The following COQ8A variants were observed in gnomAD, a reference collection of about 807,000 sequenced individuals.
COQ8A encodes coenzyme Q8A.
A neutral mutation model predicts 65.0 loss-of-function variants in COQ8A; 51 were observed. The observed-to-expected ratio is 0.78, with a 90% CI of 0.63 to 0.99. The LOEUF (loss-of-function observed/expected upper bound fraction) is 0.99. Ranked by LOEUF, COQ8A falls within the 50% of genes least tolerant of loss-of-function variation. The pLI is 0.00. For missense variants in COQ8A, 940 were observed against 875.0 expected (o/e 1.07, Z -0.94); for synonymous variants, 371 against 353.2 (o/e 1.05, Z -0.57).
chr1:226,984,602 A>G lies in COQ8A; in HGVS notation c.1453A>G (p.Met485Val). Residue 485 changes from methionine (M) to valine (V), a missense_variant, in exon 12 of 15, where the codon ATG becomes GTG. By Grantham distance (21) the Met-to-Val change is conservative. Coordinates refer to ENST00000366777, the MANE Select transcript of COQ8A (RefSeq NM_020247.5). ...CLRELFEFHF[M>V]QTDPNWSNFF... ...GAGGGAGCTGTTCGAGTTCCACTTC[A>G]TGCAAACAGACCCCAACTGGTCCAA... The G allele has an allele frequency of 1.9e-6, 3 of 1,614,132 alleles. No individual in the cohort carries two copies. The highest frequency in any genetic ancestry group is 1.7e-6 in the Non-Finnish European group (2 of 1,180,008).
At chr1:226,968,170 T>TA (rs369737946) in intron 4 of COQ8A, among the ~76,000 whole-genome samples, 6 of 151,994 alleles carry the variant, frequency 3.9e-5, no homozygotes, top group South Asian at 2.1e-4. Context: ...CAATTCCTAC[T>TA]AAAAAAATAC....
At chr1:226,964,857 G>A in intron 2 of COQ8A, 143 bp from the exon 3 acceptor site, 1 of 922,164 alleles carries the variant, frequency 1.1e-6, no homozygotes, top group African/African-American at 1.6e-5. Context: ...AGGGTGCCGG[G>A]CCTCAGGTGC....
rs536150853 is a variant in COQ8A, at chr1:226,949,290, C to T, written c.-10+8891C>T. The stretch of plus-strand genomic sequence containing the variant: ...ATATATATGTCTACATACATGTCTA[C>T]AGGTAGAGGAGCCATTTGAGCAACG... On this transcript the variant is annotated intron_variant, in intron 1 of 14. Coordinates refer to ENST00000366777, the MANE Select transcript of COQ8A (RefSeq NM_020247.5). This position sits in a 1 kb window ranked among gnomAD's most constrained non-coding sequence, Gnocchi z 4.0. 1.2e-4 allele frequency among the ~76,000 whole-genome samples: 19 copies of T among 152,064 alleles called. No individual in the cohort carries two copies. The highest frequency in any genetic ancestry group is 4.3e-4 in the African/African-American group (18 of 41,480).
chr1:226,977,482 C>T lies in COQ8A; in HGVS notation c.689C>T (p.Ala230Val), dbSNP rs866071132. The change falls in exon 5 of 15, where the codon GCA becomes GTA. Residue 230 changes from alanine to valine, a missense_variant. Coordinates refer to ENST00000366777, the MANE Select transcript of COQ8A (RefSeq NM_020247.5). The part of the protein sequence containing the change: ...LAVGLGFGAL[A>V]EVAKKSLRSE... ...GTGGGCCTGGGCTTCGGGGCACTGG[C>T]AGAGGTCGCCAAGAAGAGCCTGCGC... The T allele has an allele frequency of 6.4e-7, 1 of 1,567,578 alleles. No individual in the cohort carries two copies. The highest frequency in any genetic ancestry group is 8.6e-7 in the Non-Finnish European group (1 of 1,156,376).
rs1057519343 is a variant in COQ8A, at chr1:226,984,892, T to C, written c.1523T>C (p.Phe508Ser). ...PQQHKVALLD[F>S]GATREYDRSF... ...TGTCCCCAGGTGGCTCTTTTGGATT[T>C]TGGGGCAACGCGGGAATATGACAGA... is the stretch of plus-strand genomic sequence containing the variant. The change falls in exon 13 of 15, where the codon TTT (phenylalanine) becomes TCT (serine). Residue 508 changes from phenylalanine to serine, a missense_variant. Transcript: ENST00000366777. 1.2e-6 allele frequency: 2 copies of C among 1,614,052 alleles called. No homozygotes were observed. The highest frequency in any genetic ancestry group is 1.7e-6 in the Non-Finnish European group (2 of 1,180,034).
chr1:226,983,482 G>A lies in COQ8A; in HGVS notation c.1081-70G>A, dbSNP rs1464360845. ...CAGCTGGGAAGCCAGTTGGGGGTTG[G>A]GGGAGTGCCCCAGGCAGGGCCCACC... On this transcript the variant is annotated intron_variant, in intron 8 of 14. Coordinates refer to ENST00000366777, the MANE Select transcript of COQ8A (RefSeq NM_020247.5). The A allele has an allele frequency of 9.8e-6, 14 of 1,434,066 alleles. No homozygotes were observed. The Admixed American group carries it at 1.9e-4, about 19-fold the overall frequency. 88.8% of individuals were successfully genotyped at this position (1,434,066 alleles called of 1,614,324 possible).
At chr1:226,985,909 G>A (rs553650652) in intron 14 of COQ8A, among the ~76,000 whole-genome samples, 2 of 152,264 alleles carry the variant, frequency 1.3e-5, no homozygotes, top group Admixed American at 1.3e-4. Context: ...TCAGCGGGCA[G>A]CAGCTCTCTC....
chr1:226,974,489 C>T (rs745686265), intron 4 of COQ8A, among the ~76,000 whole-genome samples: 28 of 152,192 alleles, frequency 1.8e-4, no homozygotes, highest in Admixed American at 5.9e-4. Flanking sequence ...GTGGGGGTGC[C>T]GAGTGGGGTC....
At chr1:226,951,491 T>C (rs531721785) in intron 1 of COQ8A, among the ~76,000 whole-genome samples, 1 of 152,274 alleles carries the variant, frequency 6.6e-6, no homozygotes, top group Non-Finnish European at 1.5e-5. Flanking sequence ...GTGGCTTGCC[T>C]TTCTCTGGCT....
At chr1:226,977,301 G>C in intron 4 of COQ8A, 148 bp from the exon 5 acceptor site, 1 of 687,018 alleles carries the variant, frequency 1.5e-6, no homozygotes, top group Non-Finnish European at 2.5e-6. Context: ...CTCCCACCTT[G>C]TTCCCCACTT....
intron 5 of COQ8A, among the ~76,000 whole-genome samples, chr1:226,980,697 C>G (rs1346675056): frequency 6.6e-6 from 1 of 152,258 alleles, no homozygotes; most frequent in Non-Finnish European, 1.5e-5. Context: ...TCCCGCAGAG[C>G]TAACATCTCC....
chr1:226,981,715 C>A (rs556556945), intron 5 of COQ8A, among the ~76,000 whole-genome samples: 22 of 152,340 alleles, frequency 1.4e-4, no homozygotes, highest in Admixed American at 3.9e-4. Flanking sequence ...CCACAGGCAG[C>A]ACCATGGCCC....
At chr1:226,982,535 G>A (rs749991508) in intron 6 of COQ8A, 143 bp from the exon 7 acceptor site, 12 of 913,042 alleles carry the variant, frequency 1.3e-5, no homozygotes, top group South Asian at 2.7e-5. Context: ...GCGTGTGTGC[G>A]AGGGCTCCTG....
chr1:226,940,964 C>T (rs2147988800), intron 1 of COQ8A, among the ~76,000 whole-genome samples: 1 of 152,256 alleles, frequency 6.6e-6, no homozygotes, highest in Non-Finnish European at 1.5e-5. Flanking sequence ...TTCTTCCTTT[C>T]GCTTTTCTTT....
Position 226,964,970 on chromosome 1 carries a change from T to C in COQ8A, c.178-30T>C, listed in dbSNP as rs1000460974. 1.2e-5 allele frequency: 19 copies of C among 1,612,800 alleles called. No homozygotes were observed. In the East Asian group the frequency reaches 4.2e-4, roughly 36 times the overall value. On this transcript the variant is annotated intron_variant, in intron 2 of 14. Transcript: ENST00000366777. ...GGAGGAGCTCCTGGCTCGCTCTTGC[T>C]CTCCTAATGCTGGCCTTTGCTCCCT... is the stretch of plus-strand genomic sequence containing the variant.
intron 1 of COQ8A, 78 bp from the exon 2 acceptor site, chr1:226,961,287 CTTCTGCTCAGAG>C: frequency 7.0e-7 from 1 of 1,420,338 alleles, no homozygotes; most frequent in Middle Eastern, 2.1e-4. Context: ...CCCTCTGGAC[CTTCTGCTCAGAG>C]TTTGGTGTGG....
chr1:226,958,678 C>T (rs1453017935), intron 1 of COQ8A, among the ~76,000 whole-genome samples: 1 of 152,210 alleles, frequency 6.6e-6, no homozygotes, highest in East Asian at 1.9e-4. Context: ...CACTCCCAAA[C>T]ATGAGCACCT....
rs1657213036 is a variant in COQ8A, at chr1:226,949,068, G to C, written c.-10+8669G>C. ...GGGCAGAGCTGATTCCCAGCCCCAAGGCCCCAAGGCCCTCACCCTTGGCTA... is the reference window on the plus strand; with the variant it reads ...GGGCAGAGCTGATTCCCAGCCCCAACGCCCCAAGGCCCTCACCCTTGGCTA... On this transcript the variant is annotated intron_variant, in intron 1 of 14. Transcript: ENST00000366777. This position sits in a 1 kb window ranked among gnomAD's most constrained non-coding sequence, Gnocchi z 4.0. Among the ~76,000 whole-genome samples, 1 of 151,946 alleles carries C rather than the reference G, an allele frequency of 6.6e-6. No individual in the cohort carries two copies. Among genetic ancestry groups the C allele is most frequent in the Non-Finnish European group, 1.5e-5 (1 of 68,006 alleles).
intron 1 of COQ8A, among the ~76,000 whole-genome samples, chr1:226,942,782 T>G (rs1003864428): frequency 1.2e-4 from 19 of 152,308 alleles, no homozygotes; most frequent in Admixed American, 3.3e-4. Context: ...TCAAGGTCAG[T>G]GAACCTTTTC....
Sources: gnomAD v4.1 joint callset for allele counts (sites outside exome capture counted in the v4.1 genomes callset) on GRCh38, gnomAD v4.1.1 for gene constraint, Gnocchi (gnomAD v3.1) non-coding constraint, MANE v1.5 for transcripts, NCBI Gene and HGNC (gene_info 2026-07-23, HGNC 2026-07-21) for gene names.